Variants in RBFOX1 observed in about 807,000 individuals in gnomAD.
RBFOX1 encodes RNA binding fox-1 homolog 1.
In RBFOX1, 8 loss-of-function variants were observed where a neutral mutation model predicts 57.7. The observed-to-expected ratio is 0.14, with a 90% CI of 0.08 to 0.25. The LOEUF is 0.25. RBFOX1 is among the 10% of genes least tolerant of loss of function. The pLI is 1.00. For missense variants in RBFOX1, 611 were observed against 548.5 expected, an observed-to-expected ratio of 1.11 and a Z score of -1.14; for synonymous variants, 326 against 222.4, an observed-to-expected ratio of 1.47 and a Z score of -4.15.
rs149570418 is a variant in RBFOX1, at chr16:7,219,733, G to T, written c.27+167635G>T. Among the ~76,000 whole-genome samples, 6 of 152,206 alleles carry T rather than the reference G, an allele frequency of 3.9e-5. No homozygotes were observed. The South Asian group carries it at 1.2e-3, about 32-fold the overall frequency. On this transcript the variant is annotated intron_variant, in intron 4 of 15. Coordinates refer to ENST00000550418, the MANE Select transcript of RBFOX1 (RefSeq NM_018723.4). The stretch of plus-strand genomic sequence containing the variant: ...CAGGAAGCAGGGAATCTTTAAGAGT[G>T]GTATTGGAATGACTCCATTCCTTTT...
At chr16:6,877,555 T>G (rs1053705631) in intron 3 of RBFOX1, among the ~76,000 whole-genome samples, 10 of 152,184 alleles carry the variant, frequency 6.6e-5, no homozygotes, top group Non-Finnish European at 5.9e-5. Flanking sequence ...GAACAACTTC[T>G]GAATTCACAG....
In RBFOX1 at chr16:5,309,801, A is replaced by T. The variant is rs140647940; in HGVS notation, c.219+69696A>T. ...TAAACTATACCGTAAGTGTATAGAG[A>T]TTCACAGACACAGAAAACCACAGTT... On this transcript the variant is annotated intron_variant, in intron 1 of 2. Transcript: ENST00000585867. 2.8e-4 allele frequency among the ~76,000 whole-genome samples: 42 copies of T among 152,334 alleles called. No homozygotes were observed. In the East Asian group the frequency reaches 7.7e-3, roughly 28 times the overall value.
intron 4 of RBFOX1, among the ~76,000 whole-genome samples, chr16:5,969,419 C>G (rs866284064): frequency 6.9e-6 from 1 of 144,238 alleles, no homozygotes; most frequent in Non-Finnish European, 1.5e-5. Flanking sequence ...TCAAGCGATT[C>G]TCCTGCCTCA....
At chr16:6,997,550 G>C (rs1056487810) in intron 3 of RBFOX1, among the ~76,000 whole-genome samples, 1 of 152,132 alleles carries the variant, frequency 6.6e-6, no homozygotes, top group Non-Finnish European at 1.5e-5. Context: ...AGAGTTTAAT[G>C]TGTATGCAAA....
intron 3 of RBFOX1, among the ~76,000 whole-genome samples, chr16:7,015,788 T>G (rs2093881040): frequency 6.6e-6 from 1 of 152,122 alleles, no homozygotes; most frequent in Non-Finnish European, 1.5e-5. Flanking sequence ...TTTTTTTTTC[T>G]GACTAATAAC....
rs192638171 is a variant in RBFOX1 at position 5,322,667 on chromosome 16, A to G, written c.219+82562A>G. Among the ~76,000 whole-genome samples, 100 of 152,176 alleles carry G rather than the reference A, an allele frequency of 6.6e-4. 1 individual carries two copies. Among genetic ancestry groups the G allele is most frequent in the Non-Finnish European group, 1.8e-4 (12 of 68,014 alleles). ...CCCCATCCTTCAAGGGTCAGCTCAA[A>G]TCCCGTGGTTCCTATGACACCTCCC... is the stretch of plus-strand genomic sequence containing the variant. On this transcript the variant is annotated intron_variant, in intron 1 of 2. Transcript: ENST00000585867.
intron 1 of RBFOX1, among the ~76,000 whole-genome samples, chr16:5,336,508 G>A (rs564202045): frequency 8.5e-5 from 13 of 152,286 alleles, no homozygotes; most frequent in African/African-American, 3.1e-4. Context: ...AGAATTATCT[G>A]TGTGTGGATG....
At position 6,690,780 on chromosome 16, in the gene RBFOX1, A is replaced by G. The variant is rs118081123; in HGVS notation, c.-16+36130A>G. ...TTTCTTTTTTTTTTTTTTTAACTTT[A>G]GAAGTACCATGAGCCAAGAAAGGTA... On this transcript the variant is annotated intron_variant, in intron 3 of 15. Transcript: ENST00000550418. Among the ~76,000 whole-genome samples the G allele has an allele frequency of 2.0e-3, 254 of 124,006 alleles. No individual in the cohort carries two copies. The East Asian group carries it at 0.036, about 18-fold the overall frequency. The allele number at this position is 124,006 out of a possible 152,430, so 81.4% of individuals were successfully genotyped here.
chr16:6,470,027 T>C (rs1481078918), intron 2 of RBFOX1, among the ~76,000 whole-genome samples: 1 of 151,890 alleles, frequency 6.6e-6, no homozygotes, highest in African/African-American at 2.4e-5. Context: ...ACTTAATTCA[T>C]AGTTATCAAA....
At chr16:7,265,880 C>A (rs868315990) in intron 4 of RBFOX1, among the ~76,000 whole-genome samples, 1 of 149,876 alleles carries the variant, frequency 6.7e-6, no homozygotes, top group Non-Finnish European at 1.5e-5. Flanking sequence ...CTGGTAAGAG[C>A]TGTTTAGATC....
intron 3 of RBFOX1, among the ~76,000 whole-genome samples, chr16:6,677,856 A>C (rs2058008460): frequency 6.6e-6 from 1 of 152,172 alleles, no homozygotes; most frequent in African/African-American, 2.4e-5. Context: ...TAAAATTAAA[A>C]GGCCTATTAA....
chr16:7,386,551 G>A (rs2097885983), intron 4 of RBFOX1, among the ~76,000 whole-genome samples: 1 of 151,882 alleles, frequency 6.6e-6, no homozygotes, highest in South Asian at 2.1e-4. Flanking sequence ...CAAAGGACAT[G>A]ATCTCATGTT....
rs557286793 is a variant in RBFOX1, at chr16:7,692,746, C to G, written c.995+15908C>G. Among the ~76,000 whole-genome samples, 36 of 152,224 alleles carry G rather than the reference C, an allele frequency of 2.4e-4. 1 individual carries two copies. The South Asian group carries it at 7.1e-3, about 30-fold the overall frequency. On this transcript the variant is annotated intron_variant, in intron 14 of 15. Transcript: ENST00000550418. ...TTTTCTATTTTCATTATTTTTAATACTGCATCATTAAAAATAATTAGGGTT... is the reference window on the plus strand; with the variant it reads ...TTTTCTATTTTCATTATTTTTAATAGTGCATCATTAAAAATAATTAGGGTT...
chr16:5,553,842 C>G (rs906368550), intron 2 of RBFOX1, among the ~76,000 whole-genome samples: 5 of 151,318 alleles, frequency 3.3e-5, no homozygotes, highest in African/African-American at 1.2e-4. Context: ...AACAAAATAT[C>G]CTACATGATT....
At chr16:6,643,680 A>G (rs112698983) in intron 2 of RBFOX1, among the ~76,000 whole-genome samples, 25 of 152,190 alleles carry the variant, frequency 1.6e-4, no homozygotes, top group African/African-American at 5.8e-4. Context: ...ATGGATTTCA[A>G]TCTCCCTTAT....
chr16:6,794,163 C>G (rs1457527852), intron 3 of RBFOX1, among the ~76,000 whole-genome samples: 1 of 152,022 alleles, frequency 6.6e-6, no homozygotes, highest in Non-Finnish European at 1.5e-5. Context: ...TCCCTAAGTT[C>G]TTCCCATCAC....
intron 4 of RBFOX1, among the ~76,000 whole-genome samples, chr16:7,234,558 T>A (rs1024414804): frequency 6.6e-6 from 1 of 151,564 alleles, no homozygotes; most frequent in Non-Finnish European, 1.5e-5. Flanking sequence ...AACCATGAAG[T>A]CTTCTGTTGC....
At chr16:6,420,817 C>G (rs1400150904) in intron 2 of RBFOX1, among the ~76,000 whole-genome samples, 1 of 152,140 alleles carries the variant, frequency 6.6e-6, no homozygotes. Flanking sequence ...ATGAAGAAGA[C>G]TTATTTGGCA....
At chr16:5,366,784 T>C in intron 1 of RBFOX1, 1 of 272,042 alleles carries the variant, frequency 3.7e-6, no homozygotes, top group Non-Finnish European at 7.1e-6. Flanking sequence ...TGCAGAGTGA[T>C]AAATTTCCCT....
Sources: gnomAD v4.1 joint callset for allele counts (sites outside exome capture counted in the v4.1 genomes callset) on GRCh38, gnomAD v4.1.1 for gene constraint, MANE v1.5 for transcripts, NCBI Gene and HGNC (gene_info 2026-07-23, HGNC 2026-07-21) for gene names.